Variants in RALYL observed in about 807,000 individuals in gnomAD.
RALYL encodes the protein RALY RNA binding protein like.
RALYL carries 29 observed loss-of-function variants against 35.1 expected under a neutral mutation model. The observed-to-expected ratio is 0.83, with a 90% CI of 0.61 to 1.13. RALYL has a LOEUF of 1.13. RALYL is among the 50% of genes most tolerant of loss of function. RALYL has a pLI of 0.00. For synonymous variants in RALYL, 120 were observed against 127.6 expected, an observed-to-expected ratio of 0.94 and a Z score of 0.40; for missense variants, 359 against 360.4, an observed-to-expected ratio of 1.00 and a Z score of 0.03.
chr8:84,213,352 C>T (rs907802386), intron 1 of RALYL, among the ~76,000 whole-genome samples: 7 of 152,198 alleles, frequency 4.6e-5, no homozygotes, highest in African/African-American at 7.2e-5. Context: ...GATCCCTCAA[C>T]GCCATTGCAC....
chr8:84,524,474 G>A (rs1333553895), intron 1 of RALYL, among the ~76,000 whole-genome samples: 3 of 152,142 alleles, frequency 2.0e-5, no homozygotes, highest in East Asian at 3.8e-4. Context: ...AGGATGTGGA[G>A]AAATAGGAAC....
chr8:84,608,161 A>G (rs568621464), intron 2 of RALYL, among the ~76,000 whole-genome samples: 76 of 152,242 alleles, frequency 5.0e-4, no homozygotes, highest in Middle Eastern at 3.4e-3. Context: ...CAAAGGTCCC[A>G]AGCCAGCCAC....
intron 1 of RALYL, among the ~76,000 whole-genome samples, chr8:84,198,654 C>G (rs149924428): frequency 1.3e-5 from 2 of 152,130 alleles, no homozygotes; most frequent in African/African-American, 2.4e-5. Flanking sequence ...ACCTCCCTGC[C>G]ACCCTTCCCA....
intron 1 of RALYL, among the ~76,000 whole-genome samples, chr8:84,271,051 A>G (rs1329851367): frequency 6.6e-6 from 1 of 152,292 alleles, no homozygotes; most frequent in East Asian, 1.9e-4. Context: ...AAAATGGCAA[A>G]TAGAACTTTA....
At chr8:84,666,455 A>C (rs1233492943) in intron 2 of RALYL, among the ~76,000 whole-genome samples, 1 of 152,078 alleles carries the variant, frequency 6.6e-6, no homozygotes, top group East Asian at 1.9e-4. Context: ...CTCTGTACTT[A>C]TGGGAGGTTA....
chr8:84,703,697 C>G (rs1041534383), intron 2 of RALYL, among the ~76,000 whole-genome samples: 1 of 152,130 alleles, frequency 6.6e-6, no homozygotes. Flanking sequence ...CTAATCATCA[C>G]CACGTTTATT....
chr8:84,694,729 G>A (rs1217511259), intron 2 of RALYL, among the ~76,000 whole-genome samples: 1 of 151,760 alleles, frequency 6.6e-6, no homozygotes, highest in Non-Finnish European at 1.5e-5. Flanking sequence ...AGTAATCAAA[G>A]TGGCATGGTA....
Position 84,774,700 on chromosome 8 carries a change from C to T in RALYL, c.332+46C>T, listed in dbSNP as rs548133108. 6 of 1,308,418 alleles carry T rather than the reference C, an allele frequency of 4.6e-6. No individual in the cohort carries two copies. In the African/African-American group the frequency reaches 8.9e-5, roughly 19 times the overall value. 81.1% of individuals were successfully genotyped at this position (1,308,418 alleles called of 1,614,324 possible). ...TTACTCTATATATTAGTGAAATTTT[C>T]TTGCAGCTTTATAAGGCAATATAAC... On this transcript the variant is annotated intron_variant, in intron 3 of 8. Transcript: ENST00000521268.
intron 2 of RALYL, among the ~76,000 whole-genome samples, chr8:84,689,150 C>A (rs1363950695): frequency 6.6e-6 from 1 of 151,602 alleles, no homozygotes; most frequent in Non-Finnish European, 1.5e-5. Flanking sequence ...CATATGTATA[C>A]ATGTGCCATG....
At chr8:84,351,962 A>G (rs1317063200) in intron 1 of RALYL, among the ~76,000 whole-genome samples, 1 of 150,320 alleles carries the variant, frequency 6.7e-6, no homozygotes, top group African/African-American at 2.5e-5. Context: ...TTAATTTCAC[A>G]GCGTGCAGTA....
intron 1 of RALYL, among the ~76,000 whole-genome samples, chr8:84,253,704 A>G (rs970808890): frequency 6.6e-6 from 1 of 152,094 alleles, no homozygotes; most frequent in Non-Finnish European, 1.5e-5. Context: ...TTGTTTTTGC[A>G]TAGGTATAGG....
At chr8:84,198,616 C>G (rs1816021966) in intron 1 of RALYL, among the ~76,000 whole-genome samples, 1 of 152,096 alleles carries the variant, frequency 6.6e-6, no homozygotes, top group African/African-American at 2.4e-5. Context: ...TTCAGTCATT[C>G]CATTTTTTGT....
chr8:84,636,873 T>C (rs1021738685), intron 2 of RALYL, among the ~76,000 whole-genome samples: 6 of 151,900 alleles, frequency 3.9e-5, no homozygotes, highest in Non-Finnish European at 5.9e-5. Context: ...AACAGTATCA[T>C]GTTTCTTGCA....
chr8:84,699,366 C>T (rs890500806), intron 2 of RALYL, among the ~76,000 whole-genome samples: 18 of 152,062 alleles, frequency 1.2e-4, no homozygotes, highest in Admixed American at 6.6e-4. Context: ...CTAGTCCACT[C>T]GGCTGTTATA....
intron 4 of RALYL, among the ~76,000 whole-genome samples, chr8:84,832,975 C>T (rs1032967085): frequency 1.3e-5 from 2 of 152,146 alleles, no homozygotes; most frequent in African/African-American, 4.8e-5. Context: ...CCCTTTAATA[C>T]TTAGTCTGCC....
intron 4 of RALYL, among the ~76,000 whole-genome samples, chr8:84,811,719 C>G (rs1339495579): frequency 6.6e-6 from 1 of 152,000 alleles, no homozygotes; most frequent in Non-Finnish European, 1.5e-5. Flanking sequence ...TTTTCTTATT[C>G]TTTATTATTT....
intron 1 of RALYL, among the ~76,000 whole-genome samples, chr8:84,320,630 A>G (rs748209292): frequency 8.5e-5 from 13 of 152,126 alleles, no homozygotes; most frequent in African/African-American, 1.7e-4. Flanking sequence ...GAAATTATTT[A>G]TTCATTCATG....
At chr8:84,215,873 G>T (rs10112043) in intron 1 of RALYL, among the ~76,000 whole-genome samples, 1 of 151,610 alleles carries the variant, frequency 6.6e-6, no homozygotes, top group Admixed American at 6.6e-5. Context: ...AAACAACAAC[G>T]AATGCTACAA....
At chr8:84,426,890 A>G (rs2046542337) in intron 1 of RALYL, among the ~76,000 whole-genome samples, 1 of 152,174 alleles carries the variant, frequency 6.6e-6, no homozygotes, top group Non-Finnish European at 1.5e-5. Flanking sequence ...TATGGAGAAC[A>G]GTATGGAGGT....
Sources: gnomAD v4.1 joint callset for allele counts (sites outside exome capture counted in the v4.1 genomes callset) on GRCh38, gnomAD v4.1.1 for gene constraint, MANE v1.5 for transcripts, NCBI Gene and HGNC (gene_info 2026-07-23, HGNC 2026-07-21) for gene names.